The following YAE1 variants were observed in gnomAD, a reference collection of about 807,000 sequenced individuals.
YAE1 encodes protein YAE1 homolog.
A neutral mutation model predicts 23.0 loss-of-function variants in YAE1; 22 were observed. The observed-to-expected ratio is 0.96, with a 90% CI of 0.68 to 1.37. The LOEUF (loss-of-function observed/expected upper bound fraction) is 1.37, where lower values mean the gene tolerates loss of function less well. Ranked by LOEUF, YAE1 falls within the 40% of genes most tolerant of loss-of-function variation. The pLI is 0.00. For synonymous variants in YAE1, 101 were observed against 97.0 expected, an observed-to-expected ratio of 1.04 and a Z score of -0.24; for missense variants, 260 against 262.1, an observed-to-expected ratio of 0.99 and a Z score of 0.06.
intron 2 of YAE1, among the ~76,000 whole-genome samples, chr7:39,604,436 A>G (rs556567134): frequency 6.6e-6 from 1 of 152,224 alleles, no homozygotes; most frequent in Non-Finnish European, 1.5e-5. Flanking sequence ...CAAGGGGGAT[A>G]AGTCGATACC....
chr7:39,583,680 C>T (rs937331750), intron 2 of YAE1, among the ~76,000 whole-genome samples: 2 of 152,190 alleles, frequency 1.3e-5, no homozygotes, highest in Admixed American at 6.5e-5. Flanking sequence ...AGATCTGAGC[C>T]TCCTACTTTC....
intron 2 of YAE1, among the ~76,000 whole-genome samples, chr7:39,604,028 TAA>T (rs1791092772): frequency 6.6e-6 from 1 of 152,184 alleles, no homozygotes; most frequent in South Asian, 2.1e-4. Context: ...ACTTAAATAA[TAA>T]GAGAGTTTAA....
intron 2 of YAE1, among the ~76,000 whole-genome samples, chr7:39,604,652 T>C (rs1791103660): frequency 6.6e-6 from 1 of 152,248 alleles, no homozygotes; most frequent in Non-Finnish European, 1.5e-5. Flanking sequence ...TTAGTAGTTA[T>C]ATAGTCATAA....
chr7:39,572,599 G>T lies in YAE1; in HGVS notation c.574G>T (p.Ala192Ser). 6.2e-7 allele frequency: 1 copy of T among 1,614,086 alleles called. No homozygotes were observed. Among genetic ancestry groups the T allele is most frequent in the Non-Finnish European group, 8.5e-7 (1 of 1,179,964 alleles). Residue 192 changes from alanine to serine, a missense_variant, in exon 3 of 3, where the codon GCA (alanine) becomes TCA (serine). Transcript: ENST00000223273. ...YVECCRTQEH[A>S]HSENPSPTWI... ...AGAATGTTGTAGAACACAGGAGCATGCACATTCAGAAAACCCAAGCCCCAC... is the reference window on the plus strand; with the variant it reads ...AGAATGTTGTAGAACACAGGAGCATTCACATTCAGAAAACCCAAGCCCCAC...
intron 2 of YAE1, among the ~76,000 whole-genome samples, chr7:39,598,691 C>A (rs187401990): frequency 6.6e-6 from 1 of 150,800 alleles, no homozygotes; most frequent in Non-Finnish European, 1.5e-5. Flanking sequence ...GCAGGAGGAT[C>A]GCTTGAACCC....
chr7:39,567,018 A>G (rs1790480913), intron 1 of YAE1: 1 of 152,776 alleles, frequency 6.5e-6, no homozygotes, highest in African/African-American at 2.4e-5. Context: ...CTAATGTGGA[A>G]TACTGGTGTC....
chr7:39,585,155 CTGCCATA>C (rs1477390792), intron 2 of YAE1, among the ~76,000 whole-genome samples: 1 of 152,242 alleles, frequency 6.6e-6, no homozygotes, highest in Non-Finnish European at 1.5e-5. Flanking sequence ...TCAGGTACGT[CTGCCATA>C]TGGGCTTCTA....
chr7:39,575,474 C>T, downstream of YAE1, among the ~76,000 whole-genome samples: 1 of 151,314 alleles, frequency 6.6e-6, no homozygotes, highest in Middle Eastern at 3.2e-3. Context: ...AGTTGTGATT[C>T]TACCCTCTTC....
intron 1 of YAE1, chr7:39,570,230 G>T: frequency 1.6e-6 from 1 of 629,816 alleles, no homozygotes; most frequent in South Asian, 2.0e-5. Flanking sequence ...CAGCAAGCGT[G>T]GCGGCCCAAC....
At chr7:39,570,023 C>T (rs1284244312) in intron 1 of YAE1, 2 of 1,360,082 alleles carry the variant, frequency 1.5e-6, no homozygotes, top group African/African-American at 1.4e-5. Context: ...ATGGTTTTGA[C>T]AAGCAGGGCA....
intron 2 of YAE1, among the ~76,000 whole-genome samples, chr7:39,589,154 TATTATAAAATA>T (rs1311966052): frequency 1.3e-5 from 2 of 152,136 alleles, no homozygotes; most frequent in African/African-American, 2.4e-5. Context: ...AAAGGCTTTT[TATTATAAAATA>T]AGTCACATAC....
chr7:39,582,174 C>T (rs1790752941), intron 2 of YAE1, among the ~76,000 whole-genome samples: 2 of 151,726 alleles, frequency 1.3e-5, no homozygotes, highest in African/African-American at 2.4e-5. Context: ...CTATACCATG[C>T]CGGGCTAATT....
intron 2 of YAE1, among the ~76,000 whole-genome samples, chr7:39,604,319 G>A (rs1791097499): frequency 1.3e-5 from 2 of 152,196 alleles, no homozygotes; most frequent in African/African-American, 4.8e-5. Context: ...TCACATGCCT[G>A]CCATTAAACC....
chr7:39,609,680 G>T (rs755079296), exon 3 of YAE1: 14 of 1,535,704 alleles, frequency 9.1e-6, no homozygotes, highest in African/African-American at 1.4e-5. Flanking sequence ...AGGTTGGGAC[G>T]CAACTACTGC....
chr7:39,605,686 G>A (rs995472137), intron 2 of YAE1, among the ~76,000 whole-genome samples: 3 of 152,070 alleles, frequency 2.0e-5, no homozygotes, highest in African/African-American at 7.2e-5. Flanking sequence ...TGCAGATCTC[G>A]GGACTTCTCA....
downstream of YAE1, among the ~76,000 whole-genome samples, chr7:39,575,990 G>A (rs1368399316): frequency 3.9e-5 from 6 of 152,148 alleles, no homozygotes; most frequent in East Asian, 3.9e-4. Context: ...AACTCTCCCC[G>A]ACTCTGACTG....
chr7:39,569,659 A>G (rs1031386211), intron 1 of YAE1: 8 of 672,220 alleles, frequency 1.2e-5, no homozygotes, highest in Non-Finnish European at 2.3e-5. Context: ...AAAACAGCAT[A>G]TGATCCCCAC....
rs543110389 is a variant in YAE1 at position 39,578,829 on chromosome 7, G to C, written c.251+8202G>C. Among the ~76,000 whole-genome samples the C allele has an allele frequency of 6.6e-5, 10 of 152,212 alleles. No homozygotes were observed. In the South Asian group the frequency reaches 2.1e-3, roughly 32 times the overall value. On this transcript the variant is annotated intron_variant, in intron 2 of 2. Coordinates refer to the YAE1 transcript ENST00000432096. Reference sequence around the variant, plus strand: ...CCGGAGACTACATCGTCATACACCAGGCTAAACAGTTACGTTAATATAATA... The same window carrying C: ...CCGGAGACTACATCGTCATACACCACGCTAAACAGTTACGTTAATATAATA...
intron 2 of YAE1, among the ~76,000 whole-genome samples, chr7:39,605,548 T>G (rs1438083680): frequency 6.6e-6 from 1 of 152,218 alleles, no homozygotes; most frequent in Non-Finnish European, 1.5e-5. Flanking sequence ...ATTGAAACAC[T>G]GGCTGTTTTG....
Sources: allele counts gnomAD v4.1 joint callset (sites outside exome capture counted in the v4.1 genomes callset), GRCh38; gene constraint gnomAD v4.1.1; transcripts MANE v1.5; gene names NCBI Gene and HGNC (gene_info 2026-07-23, HGNC 2026-07-21).